The following BID variants were observed in gnomAD, a reference collection of about 807,000 sequenced individuals.
BID encodes the protein BH3 interacting domain death agonist, also known as BH3-interacting domain death agonist.
BID carries 19 observed loss-of-function variants against 17.4 expected under a neutral mutation model. The ratio of observed to expected loss-of-function variants is 1.09; its 90% confidence interval spans 0.76 to 1.60. The LOEUF (loss-of-function observed/expected upper bound fraction) is 1.60, where lower values mean the gene tolerates loss of function less well. Among genes scored for constraint, BID ranks in the 40% most tolerant of loss-of-function variants. The pLI, the probability that BID is intolerant of heterozygous loss-of-function variation, is 0.00. For missense variants in BID, 226 were observed against 256.0 expected (o/e 0.88, Z 0.80); for synonymous variants, 108 against 102.8 (o/e 1.05, Z -0.31).
chr22:17,765,637 G>C (rs1307907481), intron 1 of BID, among the ~76,000 whole-genome samples: 1 of 152,122 alleles, frequency 6.6e-6, no homozygotes, highest in Non-Finnish European at 1.5e-5. Flanking sequence ...GTTTAGGGGA[G>C]GAAGCCAAGT....
Position 17,738,160 on chromosome 22 carries a change from CCTT to C in BID, c.430_432del (p.Lys144del), listed in dbSNP as rs762626576. ...AGGGCCAGCACCAGCATGGTCTTCTCCTTCTCCATGTCTCTAGGGTAGGCCTGC... is the reference window on the plus strand; with the variant it reads ...AGGGCCAGCACCAGCATGGTCTTCTCCTCCATGTCTCTAGGGTAGGCCTGC... On this transcript the variant is annotated inframe_deletion, in exon 5 of 6. Coordinates refer to ENST00000622694, the MANE Select transcript of BID (RefSeq NM_001196.4). 6.2e-6 allele frequency: 10 copies of C among 1,613,584 alleles called. No homozygotes were observed. Among genetic ancestry groups the C allele is most frequent in the African/African-American group, 2.7e-5 (2 of 74,928 alleles).
intron 2 of BID, among the ~76,000 whole-genome samples, chr22:17,747,549 G>A (rs770596308): frequency 6.6e-6 from 1 of 151,996 alleles, no homozygotes; most frequent in Non-Finnish European, 1.5e-5. Flanking sequence ...TGGAGCTCTT[G>A]ACCTCAGGTG....
intron 5 of BID, 27 bp from the exon 6 acceptor site, chr22:17,735,618 G>GAATC: frequency 6.2e-7 from 1 of 1,614,068 alleles, no homozygotes; most frequent in East Asian, 2.2e-5. Flanking sequence ...GAAAAAGCCA[G>GAATC]AATCAGCTAG....
chr22:17,760,666 A>G (rs567845794), intron 1 of BID, among the ~76,000 whole-genome samples: 1 of 152,172 alleles, frequency 6.6e-6, no homozygotes, highest in South Asian at 2.1e-4. Flanking sequence ...GCCAGCTTCC[A>G]GCCTCACGAA....
intron 1 of BID, among the ~76,000 whole-genome samples, chr22:17,768,964 C>A (rs2061699177): frequency 6.6e-6 from 1 of 151,296 alleles, no homozygotes; most frequent in Non-Finnish European, 1.5e-5. Flanking sequence ...ATGGCGTGAA[C>A]CTGGGAGGCG....
intron 1 of BID, among the ~76,000 whole-genome samples, chr22:17,750,940 G>A (rs1255529749): frequency 6.6e-6 from 1 of 152,102 alleles, no homozygotes; most frequent in African/African-American, 2.4e-5. Flanking sequence ...GGGGGCTGAA[G>A]CAGGAGGATC....
chr22:17,750,268 TGGC>T (rs1413925626), intron 1 of BID, 94 bp from the exon 2 acceptor site: 2 of 1,113,900 alleles, frequency 1.8e-6, no homozygotes, highest in Non-Finnish European at 2.6e-6. Flanking sequence ...GCTCCAGAAA[TGGC>T]GGCTGAGCCG....
intron 1 of BID, among the ~76,000 whole-genome samples, chr22:17,756,328 A>G (rs940161411): frequency 2.6e-5 from 4 of 152,258 alleles, no homozygotes; most frequent in South Asian, 4.1e-4. Context: ...ACTGGGCCCA[A>G]CAGCCACAAG....
intron 1 of BID, among the ~76,000 whole-genome samples, chr22:17,772,999 C>T (rs974780242): frequency 6.6e-6 from 1 of 152,146 alleles, no homozygotes; most frequent in African/African-American, 2.4e-5. Flanking sequence ...CTGCACCCCT[C>T]GTCTCAGTCA....
At chr22:17,738,355 A>G in intron 4 of BID, 126 bp from the exon 5 acceptor site, 1 of 892,386 alleles carries the variant, frequency 1.1e-6, no homozygotes, top group Non-Finnish European at 1.7e-6. Context: ...GGCGGAAAGA[A>G]TGAGAAACAG....
chr22:17,765,057 G>A (rs143062721), intron 1 of BID, among the ~76,000 whole-genome samples: 55 of 152,284 alleles, frequency 3.6e-4, no homozygotes, highest in African/African-American at 1.3e-3. Context: ...GATGAGGGGT[G>A]GGGGTAGAGA....
chr22:17,767,418 C>T (rs1389026141), intron 1 of BID, among the ~76,000 whole-genome samples: 3 of 152,090 alleles, frequency 2.0e-5, no homozygotes, highest in Admixed American at 1.3e-4. Flanking sequence ...TAGTGAGAGG[C>T]AAAGGCCTTT....
chr22:17,744,908 AC>A (rs1325894341), intron 2 of BID, among the ~76,000 whole-genome samples: 1 of 151,898 alleles, frequency 6.6e-6, no homozygotes, highest in Non-Finnish European at 1.5e-5. Context: ...ACACAAAAAG[AC>A]CTCCTGGGCT....
At chr22:17,735,680 G>C (rs1294610824) in intron 5 of BID, 89 bp from the exon 6 acceptor site, 6 of 1,533,782 alleles carry the variant, frequency 3.9e-6, no homozygotes, top group Non-Finnish European at 5.4e-6. Context: ...GAGCAAAGCT[G>C]GGGTTTATGC....
chr22:17,738,366 T>C, intron 4 of BID, 137 bp from the exon 5 acceptor site: 1 of 834,670 alleles, frequency 1.2e-6, no homozygotes, highest in Non-Finnish European at 1.8e-6. Flanking sequence ...TGAGAAACAG[T>C]TGAGTTCTGA....
Position 17,738,076 on chromosome 22 carries a change from T to C in BID, c.517A>G (p.Thr173Ala). The C allele has an allele frequency of 2.5e-6, 4 of 1,614,202 alleles. No individual in the cohort carries two copies. The highest frequency in any genetic ancestry group is 3.4e-6 in the Non-Finnish European group (4 of 1,180,036). Residue 173 changes from threonine to alanine, a missense_variant, in exon 5 of 6, where the codon ACA becomes GCA. By Grantham distance (58) the Thr-to-Ala change is moderately conservative. Coordinates refer to ENST00000622694, the MANE Select transcript of BID (RefSeq NM_001196.4). ...TTCTGGTTAATAAAATTCACTGTTG[T>C]GTGAAAGACATCACGGAGCAAGGAC... ...TPSLLRDVFH[T>A]TVNFINQNLR...
intron 1 of BID, among the ~76,000 whole-genome samples, chr22:17,756,421 TTTC>T (rs769555512): frequency 3.5e-5 from 2 of 57,932 alleles, no homozygotes; most frequent in Admixed American, 1.9e-4. Context: ...TCTTTCTTTC[TTTC>T]TTTCTTTCTT....
At position 17,773,636 on chromosome 22, in the gene BID, G is replaced by C. The variant is rs754353372; in HGVS notation, c.-59+745C>G. The stretch of plus-strand genomic sequence containing the variant: ...GAATCCGCACTGTGCTCCTCCAGCC[G>C]GCCCGGCCCCTCGCTGCCCACCGAG... On this transcript the variant is annotated intron_variant, in intron 1 of 5. Coordinates refer to ENST00000622694, the MANE Select transcript of BID (RefSeq NM_001196.4). This position sits in a 1 kb window ranked among gnomAD's most constrained non-coding sequence, Gnocchi z 4.4. 11 of 1,612,220 alleles carry C rather than the reference G, an allele frequency of 6.8e-6. No homozygotes were observed. The highest frequency in any genetic ancestry group is 9.3e-6 in the Non-Finnish European group (11 of 1,179,948).
At chr22:17,768,502 G>T (rs1029000020) in intron 1 of BID, among the ~76,000 whole-genome samples, 3 of 152,224 alleles carry the variant, frequency 2.0e-5, no homozygotes, top group Admixed American at 6.5e-5. Context: ...GTGTCCCTCA[G>T]CTACTCCAGA....
Sources: allele counts gnomAD v4.1 joint callset (sites outside exome capture counted in the v4.1 genomes callset), GRCh38; gene constraint gnomAD v4.1.1; non-coding constraint Gnocchi (gnomAD v3.1); transcripts MANE v1.5; gene names NCBI Gene and HGNC (gene_info 2026-07-23, HGNC 2026-07-21).